The following TENM2 variants were observed in gnomAD, a reference collection of about 807,000 sequenced individuals.
The protein encoded by TENM2 is teneurin transmembrane protein 2, also known as teneurin-2.
TENM2 carries 52 observed loss-of-function variants against 245.2 expected under a neutral mutation model. The ratio of observed to expected loss-of-function variants is 0.21; its 90% confidence interval spans 0.17 to 0.27. The LOEUF is 0.27. Ranked by LOEUF, TENM2 falls within the 10% of genes least tolerant of loss-of-function variation. The pLI is 1.00. For missense variants in TENM2, 3,046 were observed against 3,666.8 expected, an observed-to-expected ratio of 0.83 and a Z score of 4.37; for synonymous variants, 1,363 against 1,438.9, an observed-to-expected ratio of 0.95 and a Z score of 1.19.
At chr5:167,905,587 C>T (rs192301497) in intron 3 of TENM2, among the ~76,000 whole-genome samples, 40 of 152,206 alleles carry the variant, frequency 2.6e-4, no homozygotes, top group African/African-American at 8.9e-4. Flanking sequence ...ACTCAAGGCA[C>T]TAATATAAGA....
the TENM2 span, among the ~76,000 whole-genome samples, chr5:167,246,017 C>A: frequency 6.6e-6 from 1 of 152,130 alleles, no homozygotes; most frequent in Non-Finnish European, 1.5e-5. Flanking sequence ...TTGTTCATTT[C>A]CTTTTCCCAT....
chr5:167,972,697 T>A (rs1014615382), intron 4 of TENM2, among the ~76,000 whole-genome samples: 2 of 152,210 alleles, frequency 1.3e-5, no homozygotes, highest in Non-Finnish European at 2.9e-5. Flanking sequence ...TACTTCTCCT[T>A]ATTTGATGGC....
the TENM2 span, among the ~76,000 whole-genome samples, chr5:167,149,140 G>A: frequency 2.0e-5 from 3 of 151,914 alleles, no homozygotes. Context: ...TTAACATTAG[G>A]TATATATCCT....
the TENM2 span, among the ~76,000 whole-genome samples, chr5:166,988,402 A>G: frequency 2.6e-5 from 4 of 152,172 alleles, no homozygotes; most frequent in Non-Finnish European, 5.9e-5. Context: ...GAAATTGTTT[A>G]TCTCTTACTG....
At chr5:167,438,524 T>C (rs1369738134) in intron 2 of TENM2, among the ~76,000 whole-genome samples, 1 of 152,058 alleles carries the variant, frequency 6.6e-6, no homozygotes, top group Non-Finnish European at 1.5e-5. Flanking sequence ...CCCAAGTAGC[T>C]GGGACTACAG....
chr5:167,213,660 G>A, the TENM2 span, among the ~76,000 whole-genome samples: 1 of 152,198 alleles, frequency 6.6e-6, no homozygotes, highest in Non-Finnish European at 1.5e-5. Flanking sequence ...TTTGTGAGAA[G>A]GATCTGACAA....
At chr5:168,182,229 T>G (rs1269017630) in intron 13 of TENM2, among the ~76,000 whole-genome samples, 1 of 152,226 alleles carries the variant, frequency 6.6e-6, no homozygotes, top group East Asian at 1.9e-4. Flanking sequence ...ACTTCTTAGT[T>G]ACATCAAGCC....
chr5:167,737,627 C>G (rs1388438305), intron 2 of TENM2, among the ~76,000 whole-genome samples: 1 of 152,142 alleles, frequency 6.6e-6, no homozygotes, highest in Non-Finnish European at 1.5e-5. Flanking sequence ...AGTCCAGACA[C>G]AAGCAGGAGG....
the TENM2 span, among the ~76,000 whole-genome samples, chr5:167,005,521 T>C: frequency 6.6e-6 from 1 of 152,198 alleles, no homozygotes; most frequent in African/African-American, 2.4e-5. Flanking sequence ...GAATAATGCG[T>C]ACTATACTGA....
intron 2 of TENM2, among the ~76,000 whole-genome samples, chr5:167,571,271 A>G (rs1253872649): frequency 4.6e-5 from 7 of 152,184 alleles, no homozygotes; most frequent in Non-Finnish European, 1.0e-4. Flanking sequence ...TAAGATGAGG[A>G]CACAATGAGA....
At chr5:167,648,358 C>T (rs1780105243) in intron 2 of TENM2, among the ~76,000 whole-genome samples, 1 of 152,128 alleles carries the variant, frequency 6.6e-6, no homozygotes, top group Non-Finnish European at 1.5e-5. Context: ...ATTAGGAATT[C>T]TACTATTTGT....
At chr5:167,752,912 G>A (rs1178661319) in intron 2 of TENM2, among the ~76,000 whole-genome samples, 1 of 152,160 alleles carries the variant, frequency 6.6e-6, no homozygotes, top group East Asian at 1.9e-4. Flanking sequence ...ACTTGAATGT[G>A]TCCTTCATAC....
chr5:168,239,700 T>C (rs1368435332), intron 25 of TENM2, among the ~76,000 whole-genome samples: 1 of 152,230 alleles, frequency 6.6e-6, no homozygotes, highest in Admixed American at 6.5e-5. Flanking sequence ...ATTATGATAG[T>C]CATGATCACA....
At chr5:167,386,095 A>C (rs1761417257) in intron 2 of TENM2, among the ~76,000 whole-genome samples, 1 of 151,992 alleles carries the variant, frequency 6.6e-6, no homozygotes, top group Non-Finnish European at 1.5e-5. Flanking sequence ...TCTTTAAGGA[A>C]TCTCCACACT....
At chr5:168,132,036 C>A (rs374332796) in intron 12 of TENM2, among the ~76,000 whole-genome samples, 1 of 152,006 alleles carries the variant, frequency 6.6e-6, no homozygotes, top group Admixed American at 6.6e-5. Context: ...CCACCACCCC[C>A]CTATAATTTG....
intron 7 of TENM2, among the ~76,000 whole-genome samples, chr5:168,071,116 G>T (rs775571333): frequency 1.1e-4 from 17 of 152,176 alleles, no homozygotes; most frequent in Non-Finnish European, 2.2e-4. Context: ...ATACTTCCAA[G>T]CTGTATGACC....
intron 25 of TENM2, chr5:168,230,774 T>G (rs988156740): frequency 3.3e-5 from 5 of 152,150 alleles, no homozygotes; most frequent in Non-Finnish European, 5.9e-5. Context: ...TCTAGAGAGA[T>G]AAAGAAAACT....
intron 2 of TENM2, among the ~76,000 whole-genome samples, chr5:167,869,808 T>C (rs932355966): frequency 6.6e-6 from 1 of 152,028 alleles, no homozygotes; most frequent in Non-Finnish European, 1.5e-5. Context: ...AAAATATTCT[T>C]ATGGTCTTAA....
Position 168,001,814 on chromosome 5 carries a change from A to G in TENM2, c.1186+8632A>G, listed in dbSNP as rs1477756350. 3.3e-5 allele frequency among the ~76,000 whole-genome samples: 5 copies of G among 152,354 alleles called. No individual in the cohort carries two copies. The East Asian group carries it at 9.6e-4, about 29-fold the overall frequency. ...AAGTCATTTATTAAATTGATGCCTCATAATAAGATTCTCTGCATTCAGAGA... is the reference window on the plus strand; with the variant it reads ...AAGTCATTTATTAAATTGATGCCTCGTAATAAGATTCTCTGCATTCAGAGA... On this transcript the variant is annotated intron_variant, in intron 5 of 28. Transcript: ENST00000518659.
Sources: allele counts gnomAD v4.1 joint callset (sites outside exome capture counted in the v4.1 genomes callset), GRCh38; gene constraint gnomAD v4.1.1; transcripts MANE v1.5; gene names NCBI Gene and HGNC (gene_info 2026-07-23, HGNC 2026-07-21).